Variants in NHLRC2 observed in about 807,000 individuals in gnomAD.
NHLRC2 encodes NHL repeat containing 2.
NHLRC2 carries 33 observed loss-of-function variants against 68.1 expected under a neutral mutation model. The ratio of observed to expected loss-of-function variants is 0.48; its 90% CI spans 0.37 to 0.65. The LOEUF (loss-of-function observed/expected upper bound fraction) is 0.65. Among genes scored for constraint, NHLRC2 ranks in the 30% least tolerant of loss-of-function variants. The pLI is 0.00. For missense variants in NHLRC2, 761 were observed against 853.8 expected (o/e 0.89, Z 1.35); for synonymous variants, 311 against 309.6 (o/e 1.00, Z -0.05).
intron 4 of NHLRC2, among the ~76,000 whole-genome samples, chr10:113,880,852 T>A (rs1449664974): frequency 6.6e-6 from 1 of 151,890 alleles, no homozygotes; most frequent in African/African-American, 2.4e-5. Context: ...ATAAAAGTGT[T>A]ACATGAAAAA....
chr10:113,884,548 ATAGATATATATATAC>A (rs1339502531), intron 5 of NHLRC2, among the ~76,000 whole-genome samples, 168 bp downstream of exon 5: 1 of 151,374 alleles, frequency 6.6e-6, no homozygotes, highest in African/African-American at 2.4e-5. Context: ...TAGCAGTAAT[ATAGATATATATATAC>A]TAGAGTATGT....
intron 2 of NHLRC2, among the ~76,000 whole-genome samples, chr10:113,874,038 A>G (rs1309147749): frequency 6.6e-6 from 1 of 152,016 alleles, no homozygotes; most frequent in African/African-American, 2.4e-5. Flanking sequence ...TATTATGTGT[A>G]TTTGGTTATA....
At chr10:113,907,081 A>G (rs1027538404) in intron 10 of NHLRC2, among the ~76,000 whole-genome samples, 2 of 151,088 alleles carry the variant, frequency 1.3e-5, no homozygotes. Context: ...AGGAATAAAC[A>G]AAGAAAGCCA....
At chr10:113,896,058 A>G (rs939191880) in intron 5 of NHLRC2, among the ~76,000 whole-genome samples, 4 of 152,106 alleles carry the variant, frequency 2.6e-5, no homozygotes, top group Non-Finnish European at 5.9e-5. Flanking sequence ...ACACTTTTAC[A>G]CTGTTGGTGG....
intron 9 of NHLRC2, among the ~76,000 whole-genome samples, chr10:113,904,310 A>G (rs1846254765): frequency 6.6e-6 from 1 of 152,160 alleles, no homozygotes; most frequent in Non-Finnish European, 1.5e-5. Context: ...AATGTCTATT[A>G]TAAACTAACT....
At chr10:113,889,886 AGTAGTAGTTCGTT>A (rs1846116071) in intron 5 of NHLRC2, among the ~76,000 whole-genome samples, 1 of 152,150 alleles carries the variant, frequency 6.6e-6, no homozygotes, top group Non-Finnish European at 1.5e-5. Context: ...TTTATCACTG[AGTAGTAGTTCGTT>A]GTATGGCTCT....
intron 2 of NHLRC2, among the ~76,000 whole-genome samples, chr10:113,866,528 A>C (rs926131007): frequency 3.3e-5 from 5 of 152,132 alleles, no homozygotes; most frequent in African/African-American, 9.7e-5. Context: ...GTGTATGTTA[A>C]TGTATAACTA....
At chr10:113,893,204 C>T (rs1017344824) in intron 5 of NHLRC2, among the ~76,000 whole-genome samples, 1 of 152,124 alleles carries the variant, frequency 6.6e-6, no homozygotes, top group Non-Finnish European at 1.5e-5. Context: ...ATCCCTGTTT[C>T]TGATCACAGA....
intron 4 of NHLRC2, among the ~76,000 whole-genome samples, chr10:113,881,817 A>G (rs1846038197): frequency 6.6e-6 from 1 of 151,766 alleles, no homozygotes; most frequent in Non-Finnish European, 1.5e-5. Context: ...AAAACATTTC[A>G]TCCCCCAAGT....
At chr10:113,902,194 G>T (rs1323863620) in intron 7 of NHLRC2, among the ~76,000 whole-genome samples, 1 of 152,106 alleles carries the variant, frequency 6.6e-6, no homozygotes, top group Admixed American at 6.6e-5. Context: ...TGGGCAGTGG[G>T]GTGGAAAGAG....
chr10:113,905,707 T>C (rs1299706361), intron 10 of NHLRC2, among the ~76,000 whole-genome samples: 2 of 152,150 alleles, frequency 1.3e-5, no homozygotes, highest in Admixed American at 1.3e-4. Flanking sequence ...CAACTCCTCC[T>C]CCTTCATACC....
intron 2 of NHLRC2, among the ~76,000 whole-genome samples, chr10:113,860,779 G>A (rs1488905935): frequency 6.6e-6 from 1 of 152,210 alleles, no homozygotes; most frequent in Non-Finnish European, 1.5e-5. Flanking sequence ...CTAACAGTGA[G>A]GAGAAACTCA....
intron 2 of NHLRC2, among the ~76,000 whole-genome samples, chr10:113,859,930 A>C (rs1193091300): frequency 6.6e-6 from 1 of 152,186 alleles, no homozygotes; most frequent in Non-Finnish European, 1.5e-5. Context: ...CAGAAGGGAC[A>C]CTCCTGGCTG....
intron 5 of NHLRC2, among the ~76,000 whole-genome samples, chr10:113,885,226 A>T (rs1158338065): frequency 6.6e-6 from 1 of 151,946 alleles, no homozygotes; most frequent in Non-Finnish European, 1.5e-5. Flanking sequence ...GGTTGTTATT[A>T]ACTTTTATGA....
At chr10:113,874,972 A>G (rs1589538963) in intron 2 of NHLRC2, among the ~76,000 whole-genome samples, 2 of 150,508 alleles carry the variant, frequency 1.3e-5, no homozygotes, top group Middle Eastern at 3.4e-3. Context: ...CTCATGGAGC[A>G]TAGTTATCTA....
In NHLRC2 at chr10:113,908,544, G is replaced by A. The variant is rs376857631; in HGVS notation, c.*8G>A. ...CTCAGGTATGTATTTTAGCCAGCCA[G>A]CTAGCTAGCAACCCATTGCCACCAC... On this transcript the variant is annotated 3_prime_UTR_variant, in exon 11 of 11. Transcript: ENST00000369301. 15 of 1,613,366 alleles carry A rather than the reference G, an allele frequency of 9.3e-6. No individual in the cohort carries two copies. The highest frequency in any genetic ancestry group is 2.2e-5 in the East Asian group (1 of 44,828).
At chr10:113,894,727 A>G (rs2134728224) in intron 5 of NHLRC2, among the ~76,000 whole-genome samples, 1 of 152,222 alleles carries the variant, frequency 6.6e-6, no homozygotes, top group East Asian at 1.9e-4. Context: ...TCTTTATAAG[A>G]TTAAATAAAT....
At chr10:113,892,580 G>A (rs996126992) in intron 5 of NHLRC2, among the ~76,000 whole-genome samples, 5 of 152,022 alleles carry the variant, frequency 3.3e-5, no homozygotes, top group Admixed American at 1.3e-4. Context: ...CCACACTCCA[G>A]GATGAACAGT....
intron 2 of NHLRC2, among the ~76,000 whole-genome samples, chr10:113,874,988 T>G (rs1361913245): frequency 1.3e-5 from 2 of 151,972 alleles, no homozygotes; most frequent in Non-Finnish European, 2.9e-5. Context: ...ATCTAGTTGC[T>G]TGAAAGTCTT....
Sources: allele counts gnomAD v4.1 joint callset (sites outside exome capture counted in the v4.1 genomes callset), GRCh38; gene constraint gnomAD v4.1.1; transcripts MANE v1.5; gene names NCBI Gene and HGNC (gene_info 2026-07-23, HGNC 2026-07-21).